The following DLGAP2 variants were observed in gnomAD, a reference collection of about 807,000 sequenced individuals.
DLGAP2 encodes the protein DLG associated protein 2.
In DLGAP2, 26 loss-of-function variants were observed where a neutral mutation model predicts 100.3. The ratio of observed to expected loss-of-function variants is 0.26; its 90% CI spans 0.19 to 0.36. DLGAP2 has a LOEUF of 0.36. DLGAP2 is among the 10% of genes least tolerant of loss of function. DLGAP2 has a pLI of 1.00. For missense variants in DLGAP2, 1,858 were observed against 1,453.2 expected (o/e 1.28, Z -4.53); for synonymous variants, 886 against 630.1 (o/e 1.41, Z -6.08).
chr8:1,253,435 C>A (rs533619897), intron 2 of DLGAP2, among the ~76,000 whole-genome samples: 1 of 152,226 alleles, frequency 6.6e-6, no homozygotes, highest in Non-Finnish European at 1.5e-5. Context: ...AGCATGCGCT[C>A]GGCTTCACAG....
intron 1 of DLGAP2, among the ~76,000 whole-genome samples, chr8:842,038 C>T (rs930446364): frequency 3.9e-5 from 6 of 152,158 alleles, no homozygotes; most frequent in African/African-American, 1.2e-4. Flanking sequence ...CTCACATGCT[C>T]CCCTGTGTCC....
intron 2 of DLGAP2, among the ~76,000 whole-genome samples, chr8:1,235,575 G>A (rs1451248562): frequency 7.7e-6 from 1 of 130,518 alleles, no homozygotes; most frequent in Non-Finnish European, 1.6e-5. Flanking sequence ...CTCTCACATG[G>A]CACCATGTCT....
chr8:1,361,361 T>C (rs546389431), intron 3 of DLGAP2, among the ~76,000 whole-genome samples: 1 of 152,258 alleles, frequency 6.6e-6, no homozygotes, highest in African/African-American at 2.4e-5. Context: ...ATGCTATTTA[T>C]AGGACTTGGA....
intron 1 of DLGAP2, among the ~76,000 whole-genome samples, chr8:820,889 G>A (rs553041034): frequency 5.1e-4 from 77 of 152,310 alleles, no homozygotes; most frequent in Non-Finnish European, 1.0e-3. Flanking sequence ...TGTCTGTACC[G>A]ATATGGAGAA....
intron 1 of DLGAP2, among the ~76,000 whole-genome samples, chr8:765,401 T>G (rs1397989322): frequency 1.3e-5 from 2 of 152,170 alleles, no homozygotes; most frequent in Admixed American, 6.5e-5. Context: ...AACAACAAAT[T>G]CTTTGTCAGG....
At chr8:1,160,073 C>T (rs946354914) in intron 2 of DLGAP2, among the ~76,000 whole-genome samples, 1 of 152,222 alleles carries the variant, frequency 6.6e-6, no homozygotes, top group Non-Finnish European at 1.5e-5. Context: ...ACCTCACAGG[C>T]GGAACTTCCA....
intron 3 of DLGAP2, among the ~76,000 whole-genome samples, chr8:1,370,011 C>T (rs552315489): frequency 1.3e-5 from 2 of 152,230 alleles, no homozygotes; most frequent in Non-Finnish European, 2.9e-5. Flanking sequence ...TGCCCTCAGA[C>T]CTGAGTTCAG....
chr8:782,185 CATTT>C (rs1456831809), intron 1 of DLGAP2, among the ~76,000 whole-genome samples: 1 of 151,344 alleles, frequency 6.6e-6, no homozygotes, highest in Non-Finnish European at 1.5e-5. Flanking sequence ...CAGATATGCA[CATTT>C]ATTATGTTTC....
intron 2 of DLGAP2, among the ~76,000 whole-genome samples, chr8:943,085 A>G (rs144295489): frequency 6.6e-6 from 1 of 152,234 alleles, no homozygotes; most frequent in African/African-American, 2.4e-5. Context: ...GAAGAAAATC[A>G]GGTGCTCAGC....
chr8:821,713 C>G (rs1796586222), intron 1 of DLGAP2, among the ~76,000 whole-genome samples: 2 of 152,124 alleles, frequency 1.3e-5, no homozygotes, highest in Non-Finnish European at 2.9e-5. Flanking sequence ...TATTTTTCAT[C>G]AAATTATATA....
intron 2 of DLGAP2, among the ~76,000 whole-genome samples, chr8:1,212,196 A>T (rs1798120071): frequency 6.6e-6 from 1 of 152,220 alleles, no homozygotes. Flanking sequence ...CATGTTCATG[A>T]TCTTTCAATC....
intron 3 of DLGAP2, among the ~76,000 whole-genome samples, chr8:1,356,041 C>T (rs547273307): frequency 1.3e-5 from 2 of 152,362 alleles, no homozygotes; most frequent in African/African-American, 4.8e-5. Context: ...GGCCACTGCA[C>T]TGTCGGTCAG....
chr8:1,697,014 T>A, intron 13 of DLGAP2, 133 bp from the exon 14 acceptor site: 1 of 958,934 alleles, frequency 1.0e-6, no homozygotes, highest in Non-Finnish European at 1.4e-6. Flanking sequence ...CCCAAGTATC[T>A]GCCTCAGGCT....
chr8:1,333,969 G>A (rs1243570541), intron 3 of DLGAP2, among the ~76,000 whole-genome samples: 3 of 152,210 alleles, frequency 2.0e-5, no homozygotes, highest in South Asian at 2.1e-4. Context: ...CCAACACGGC[G>A]AGAGCCACGT....
intron 2 of DLGAP2, among the ~76,000 whole-genome samples, chr8:1,143,121 G>C (rs915631594): frequency 6.6e-6 from 1 of 152,196 alleles, no homozygotes; most frequent in Admixed American, 6.5e-5. Flanking sequence ...CCACCCTCCA[G>C]CCAGGGTTCT....
At chr8:1,666,207 C>A (rs1334648290) in intron 8 of DLGAP2, among the ~76,000 whole-genome samples, 2 of 152,118 alleles carry the variant, frequency 1.3e-5, no homozygotes, top group Non-Finnish European at 2.9e-5. Context: ...TTGCTTAAGG[C>A]ATTGATTGAC....
chr8:919,465 C>T (rs945200771), intron 2 of DLGAP2, among the ~76,000 whole-genome samples: 6 of 152,004 alleles, frequency 3.9e-5, no homozygotes, highest in Admixed American at 3.3e-4. Context: ...TGATGAGCTC[C>T]CCCACTGCTG....
intron 1 of DLGAP2, among the ~76,000 whole-genome samples, chr8:893,936 G>C (rs902161361): frequency 6.6e-6 from 1 of 152,236 alleles, no homozygotes; most frequent in East Asian, 1.9e-4. Flanking sequence ...GGGAGGTTCG[G>C]CGTCTCCGAG....
At chr8:1,555,001 A>T (rs962982705) in intron 5 of DLGAP2, among the ~76,000 whole-genome samples, 2 of 152,216 alleles carry the variant, frequency 1.3e-5, no homozygotes, top group Non-Finnish European at 2.9e-5. Flanking sequence ...AGAACTGGCC[A>T]GCCTGGCTGT....
Sources: gnomAD v4.1 joint callset for allele counts (sites outside exome capture counted in the v4.1 genomes callset) on GRCh38, gnomAD v4.1.1 for gene constraint, MANE v1.5 for transcripts, NCBI Gene and HGNC (gene_info 2026-07-23, HGNC 2026-07-21) for gene names.